The following ASIC2 variants were observed in gnomAD, a reference collection of about 807,000 sequenced individuals.
The protein encoded by ASIC2 is acid-sensing ion channel 2.
A neutral mutation model predicts 57.3 loss-of-function variants in ASIC2; 25 were observed. That is an observed-to-expected ratio of 0.44 (90% CI 0.32 to 0.61). The LOEUF is 0.61. ASIC2 is among the 20% of genes least tolerant of loss of function. ASIC2 has a pLI of 0.06. For synonymous variants in ASIC2, 319 were observed against 307.5 expected, an observed-to-expected ratio of 1.04 and a Z score of -0.39; for missense variants, 641 against 738.1, an observed-to-expected ratio of 0.87 and a Z score of 1.52.
intron 1 of ASIC2, among the ~76,000 whole-genome samples, chr17:34,085,857 T>C (rs1305944175): frequency 6.6e-6 from 1 of 151,886 alleles, no homozygotes; most frequent in Non-Finnish European, 1.5e-5. Context: ...TGATGGTAGT[T>C]TGTATTTCTG....
intron 1 of ASIC2, among the ~76,000 whole-genome samples, chr17:34,099,139 A>T (rs1487279392): frequency 4.6e-5 from 1 of 21,558 alleles, no homozygotes; most frequent in Admixed American, 6.4e-4. Flanking sequence ...AGAGAGAGAG[A>T]GAGAGACAGA....
intron 3 of ASIC2, among the ~76,000 whole-genome samples, chr17:33,080,032 C>G (rs1173647454): frequency 1.3e-5 from 2 of 151,976 alleles, no homozygotes; most frequent in Admixed American, 6.6e-5. Context: ...GTTCAGCAGC[C>G]CCTGGAATGT....
intron 1 of ASIC2, among the ~76,000 whole-genome samples, chr17:34,154,125 C>T (rs371636773): frequency 2.0e-5 from 3 of 152,164 alleles, no homozygotes; most frequent in African/African-American, 4.8e-5. Flanking sequence ...CCCTCTGTGT[C>T]GTCTGTGTGT....
At chr17:33,937,488 G>T (rs1169779380) in intron 1 of ASIC2, among the ~76,000 whole-genome samples, 1 of 151,902 alleles carries the variant, frequency 6.6e-6, no homozygotes, top group Non-Finnish European at 1.5e-5. Context: ...GGAGCATATT[G>T]GAGAAAAGAA....
At chr17:33,749,551 T>C (rs985472020) in intron 1 of ASIC2, among the ~76,000 whole-genome samples, 1 of 152,042 alleles carries the variant, frequency 6.6e-6, no homozygotes, top group African/African-American at 2.4e-5. Context: ...ACCAGTTTCA[T>C]GCACAGATCC....
chr17:33,762,362 T>C (rs1291995209), intron 1 of ASIC2, among the ~76,000 whole-genome samples: 4 of 152,092 alleles, frequency 2.6e-5, no homozygotes, highest in African/African-American at 9.7e-5. Context: ...AGAATTTGAA[T>C]AAGGGGGAAG....
intron 1 of ASIC2, among the ~76,000 whole-genome samples, chr17:33,970,480 T>C (rs1248042291): frequency 6.6e-6 from 1 of 152,138 alleles, no homozygotes; most frequent in Non-Finnish European, 1.5e-5. Context: ...CAAGCCCTGA[T>C]CTATGGGCAG....
At chr17:33,134,349 C>T (rs2092359384) in intron 1 of ASIC2, among the ~76,000 whole-genome samples, 1 of 152,152 alleles carries the variant, frequency 6.6e-6, no homozygotes, top group Non-Finnish European at 1.5e-5. Flanking sequence ...CCTCCAAAAG[C>T]TTACAGAGCA....
At chr17:33,579,321 A>C (rs12952264) in intron 1 of ASIC2, among the ~76,000 whole-genome samples, 1 of 147,940 alleles carries the variant, frequency 6.8e-6, no homozygotes, top group African/African-American at 2.5e-5. Context: ...TGGGTGACTC[A>C]GATGTTGGCT....
intron 1 of ASIC2, among the ~76,000 whole-genome samples, chr17:33,653,289 A>C (rs1289238580): frequency 6.6e-6 from 1 of 152,176 alleles, no homozygotes; most frequent in African/African-American, 2.4e-5. Context: ...GGCCTCCCTA[A>C]CTATGGCATT....
intron 1 of ASIC2, among the ~76,000 whole-genome samples, chr17:34,050,266 C>T (rs1056414093): frequency 1.3e-5 from 2 of 152,158 alleles, no homozygotes; most frequent in Non-Finnish European, 2.9e-5. Flanking sequence ...GTCACCACTT[C>T]GTGAAAGGGC....
intron 7 of ASIC2, among the ~76,000 whole-genome samples, chr17:33,019,517 C>T (rs4795732): frequency 0.33 from 49,919 of 151,544 alleles, 8,508 homozygotes; most frequent in Non-Finnish European, 0.35. Context: ...TGCGTGCAGA[C>T]TGGGGTGGGG....
chr17:34,029,421 C>G (rs917000625), intron 1 of ASIC2, among the ~76,000 whole-genome samples: 3 of 151,374 alleles, frequency 2.0e-5, no homozygotes, highest in Admixed American at 2.0e-4. Context: ...AAGACTCTCA[C>G]TACCTTCTAA....
At chr17:34,020,965 C>T (rs1907137623) in intron 1 of ASIC2, among the ~76,000 whole-genome samples, 1 of 152,104 alleles carries the variant, frequency 6.6e-6, no homozygotes, top group African/African-American at 2.4e-5. Flanking sequence ...ATCACCACTA[C>T]CACCAAATTA....
chr17:33,619,980 C>T (rs979198183), intron 1 of ASIC2, among the ~76,000 whole-genome samples: 1 of 151,912 alleles, frequency 6.6e-6, no homozygotes, highest in African/African-American at 2.4e-5. Flanking sequence ...GGAAATATTG[C>T]GATTGTTATG....
At chr17:33,101,042 C>G (rs920560789) in intron 2 of ASIC2, among the ~76,000 whole-genome samples, 1 of 152,212 alleles carries the variant, frequency 6.6e-6, no homozygotes, top group African/African-American at 2.4e-5. Context: ...GTGTCCAGCA[C>G]AGAGGCCCAC....
intron 1 of ASIC2, among the ~76,000 whole-genome samples, chr17:34,072,734 T>C (rs992377409): frequency 2.6e-5 from 4 of 152,354 alleles, no homozygotes; most frequent in African/African-American, 9.6e-5. Context: ...CTTCATGTGA[T>C]GGACGATTTC....
At chr17:33,336,580 C>A (rs537110482) in intron 1 of ASIC2, among the ~76,000 whole-genome samples, 1 of 152,100 alleles carries the variant, frequency 6.6e-6, no homozygotes, top group South Asian at 2.1e-4. Flanking sequence ...TTGATCCTCA[C>A]GACAGCTGTG....
At chr17:34,015,464 C>T (rs72822909) in intron 1 of ASIC2, among the ~76,000 whole-genome samples, 6,941 of 152,294 alleles carry the variant, frequency 0.046, 219 homozygotes, top group Non-Finnish European at 0.066. Flanking sequence ...GAGTGCCATC[C>T]GGCCAGGCCA....
Sources: allele counts gnomAD v4.1 joint callset (sites outside exome capture counted in the v4.1 genomes callset), GRCh38; gene constraint gnomAD v4.1.1; transcripts MANE v1.5; gene names NCBI Gene and HGNC (gene_info 2026-07-23, HGNC 2026-07-21).